The following SLC6A13 variants were observed in gnomAD, a reference collection of about 807,000 sequenced individuals.
SLC6A13 encodes the protein solute carrier family 6 member 13, also known as sodium- and chloride-dependent GABA transporter 2.
SLC6A13 carries 69 observed loss-of-function variants against 72.9 expected under a neutral mutation model. That is an observed-to-expected ratio of 0.95 (90% confidence interval 0.78 to 1.16). The LOEUF is 1.16. Ranked by LOEUF, SLC6A13 falls within the 50% of genes most tolerant of loss-of-function variation. The probability of loss-of-function intolerance (pLI) is 0.00; values close to 1 mark genes in which losing one functional copy is unlikely to be tolerated. For missense variants in SLC6A13, 735 were observed against 760.5 expected (o/e 0.97, Z 0.39); for synonymous variants, 303 against 303.0 (o/e 1.00, Z 0.00).
chr12:234,913 T>C (rs549773517), intron 7 of SLC6A13, among the ~76,000 whole-genome samples, 177 bp downstream of exon 7: 6 of 152,328 alleles, frequency 3.9e-5, no homozygotes, highest in African/African-American at 1.4e-4. Context: ...GGGGTCTGGA[T>C]TGAGACCCCT....
chr12:243,895 T>C, intron 2 of SLC6A13, 82 bp from the exon 3 acceptor site: 1 of 1,358,282 alleles, frequency 7.4e-7, no homozygotes. Flanking sequence ...TACCAACCCA[T>C]ACTGCCAGTC....
At chr12:241,397 A>G (rs141416357) in intron 4 of SLC6A13, among the ~76,000 whole-genome samples, 2 of 152,356 alleles carry the variant, frequency 1.3e-5, no homozygotes, top group East Asian at 3.9e-4. Flanking sequence ...GCTGGAAGAT[A>G]CTTGGACAAG....
chr12:251,511 A>G (rs997807003), intron 2 of SLC6A13, among the ~76,000 whole-genome samples: 1 of 152,226 alleles, frequency 6.6e-6, no homozygotes, highest in African/African-American at 2.4e-5. Context: ...ACCTAAAACT[A>G]TACATCTTCT....
intron 7 of SLC6A13, among the ~76,000 whole-genome samples, chr12:234,137 G>A (rs1205411237): frequency 6.6e-6 from 1 of 152,208 alleles, no homozygotes; most frequent in East Asian, 1.9e-4. Context: ...CCGGCAGGAT[G>A]GTCTCTGCGC....
chr12:237,006 G>T, intron 6 of SLC6A13, 152 bp downstream of exon 6: 1 of 805,120 alleles, frequency 1.2e-6, no homozygotes, highest in Non-Finnish European at 2.0e-6. Flanking sequence ...TCTAGGAGAG[G>T]CGGAGAATCA....
At position 223,069 on chromosome 12, in the gene SLC6A13, C is replaced by T. The variant is rs954842899; in HGVS notation, c.1414+63G>A. Reference sequence around the variant, plus strand: ...CGAGCAGTAGATGTCTGTTTCGTGTCTAAGGACCCCAAGACCCTTAGACAA... The same window carrying T: ...CGAGCAGTAGATGTCTGTTTCGTGTTTAAGGACCCCAAGACCCTTAGACAA... On this transcript the variant is annotated intron_variant, in intron 12 of 14. Coordinates refer to ENST00000343164, the MANE Select transcript of SLC6A13 (RefSeq NM_016615.5). 2.4e-5 allele frequency: 25 copies of T among 1,029,700 alleles called. No homozygotes were observed. In the African/African-American group the frequency reaches 3.7e-4, roughly 15 times the overall value. The allele number at this position is 1,029,700 out of a possible 1,614,324, so 63.8% of individuals were successfully genotyped here.
At chr12:247,007 C>CAAA (rs747908813) in intron 2 of SLC6A13, among the ~76,000 whole-genome samples, 4,803 of 112,692 alleles carry the variant, frequency 0.043, 128 homozygotes, top group Non-Finnish European at 0.064. Flanking sequence ...GACTCCATCT[C>CAAA]AAAAAAAAAA....
At position 239,195 on chromosome 12, in the gene SLC6A13, C is replaced by T. The variant is rs112809471; in HGVS notation, c.479-1185G>A. 7.3e-3 allele frequency among the ~76,000 whole-genome samples: 608 copies of T among 83,428 alleles called. 3 individuals carry two copies. Among genetic ancestry groups the T allele is most frequent in the Middle Eastern group, 0.017 (2 of 120 alleles). The allele number at this position is 83,428 out of a possible 152,430, so 54.7% of individuals were successfully genotyped here. ...GCCCCTTCAGCCACGTGCTCTACCACGTCCACCCTGTTCCCTGCACACATG... is the reference window on the plus strand; with the variant it reads ...GCCCCTTCAGCCACGTGCTCTACCATGTCCACCCTGTTCCCTGCACACATG... On this transcript the variant is annotated intron_variant, in intron 4 of 14. Coordinates refer to ENST00000343164, the MANE Select transcript of SLC6A13 (RefSeq NM_016615.5).
chr12:261,635 T>C (rs1227184596), intron 1 of SLC6A13, among the ~76,000 whole-genome samples: 1 of 152,192 alleles, frequency 6.6e-6, no homozygotes, highest in Non-Finnish European at 1.5e-5. Flanking sequence ...AATTAGAAAG[T>C]CAGTGAACAG....
chr12:221,621 G>T, intron 13 of SLC6A13, 75 bp from the exon 14 acceptor site: 1 of 997,930 alleles, frequency 1.0e-6, no homozygotes, highest in Non-Finnish European at 1.5e-6. Flanking sequence ...CTCCCCAGCA[G>T]CCTGGCAGAA....
At chr12:242,585 G>A (rs750405987) in intron 4 of SLC6A13, 29 bp downstream of exon 4, 3 of 1,601,944 alleles carry the variant, frequency 1.9e-6, no homozygotes, top group Non-Finnish European at 2.6e-6. Flanking sequence ...AACGAGAGGA[G>A]GAAGTGGACC....
At chr12:235,411 G>C (rs1263548628) in intron 6 of SLC6A13, among the ~76,000 whole-genome samples, 187 bp from the exon 7 acceptor site, 2 of 152,202 alleles carry the variant, frequency 1.3e-5, no homozygotes, top group African/African-American at 4.8e-5. Context: ...GGAGGGACTG[G>C]CTGGAGCCAC....
intron 2 of SLC6A13, chr12:259,472 C>A (rs996232484): frequency 1.7e-5 from 22 of 1,269,580 alleles, no homozygotes; most frequent in South Asian, 2.3e-5. Flanking sequence ...TGTCTCTAAT[C>A]CTTACAATGA....
In SLC6A13 at chr12:235,240, T is replaced by C. The variant is rs767734606; in HGVS notation, c.697-16A>G. The C allele has an allele frequency of 1.1e-5, 18 of 1,613,704 alleles. No individual in the cohort carries two copies. Among genetic ancestry groups the C allele is most frequent in the Non-Finnish European group, 5.9e-6 (7 of 1,179,920 alleles). ...AGTACACCACCTGGTCATGGGCAAA[T>C]GAGAGACAAGGAGCTTGTGAGTGAG... On this transcript the variant is annotated splice_polypyrimidine_tract_variant and intron_variant, in intron 6 of 14. Coordinates refer to ENST00000343164, the MANE Select transcript of SLC6A13 (RefSeq NM_016615.5).
chr12:226,060 T>C (rs1021005251), intron 9 of SLC6A13, among the ~76,000 whole-genome samples: 1 of 152,220 alleles, frequency 6.6e-6, no homozygotes, highest in Non-Finnish European at 1.5e-5. Flanking sequence ...AATAGTAATA[T>C]GTATTGCATG....
At position 220,655 on chromosome 12, in the gene SLC6A13, G is replaced by T; in HGVS notation, c.*293C>A. 5.3e-6 allele frequency: 2 copies of T among 380,394 alleles called. No homozygotes were observed. The highest frequency in any genetic ancestry group is 9.8e-6 in the Non-Finnish European group (2 of 204,420). The allele number at this position is 380,394 out of a possible 1,614,324, so 23.6% of individuals were successfully genotyped here. ...AAGAATGTGGATTTAATGGAATGAA[G>T]GATGAGAGGGCCCGAAGCCAGCAAG... On this transcript the variant is annotated 3_prime_UTR_variant, in exon 15 of 15. Coordinates refer to ENST00000343164, the MANE Select transcript of SLC6A13 (RefSeq NM_016615.5).
Position 232,848 on chromosome 12 carries a change from G to C in SLC6A13, c.831+2242C>G, listed in dbSNP as rs767053349. Among the ~76,000 whole-genome samples the C allele has an allele frequency of 1.1e-4, 17 of 152,326 alleles. No homozygotes were observed. In the South Asian group the frequency reaches 1.4e-3, roughly 13 times the overall value. ...GCCACAGCGTCCCAGCAGAGCTCAG[G>C]ATGAAAGAATCAAAACCTGGCCAGA... On this transcript the variant is annotated intron_variant, in intron 7 of 14. Coordinates refer to ENST00000343164, the MANE Select transcript of SLC6A13 (RefSeq NM_016615.5).
In SLC6A13 at chr12:234,964, C is replaced by T. The variant is rs1021596601; in HGVS notation, c.831+126G>A. 85 of 1,052,814 alleles carry T rather than the reference C, an allele frequency of 8.1e-5. No homozygotes were observed. In the Admixed American group the frequency reaches 1.5e-3, roughly 19 times the overall value. The allele number at this position is 1,052,814 out of a possible 1,614,324, so 65.2% of individuals were successfully genotyped here. A position where few individuals can be genotyped will look rare whatever the true frequency, so the allele number is the denominator to read the frequency against. On this transcript the variant is annotated intron_variant, in intron 7 of 14. Transcript: ENST00000343164. ...GATGTCTAGAGAAGGAAGGGTGCACCTCTGCTGCCACTGTGGACACCCTAG... is the reference window on the plus strand; with the variant it reads ...GATGTCTAGAGAAGGAAGGGTGCACTTCTGCTGCCACTGTGGACACCCTAG...
At chr12:222,503 A>T in intron 13 of SLC6A13, 29 bp downstream of exon 13, 1 of 1,464,308 alleles carries the variant, frequency 6.8e-7, no homozygotes, top group African/African-American at 1.4e-5. Context: ...CCCTCCCTTC[A>T]TCTGACTTTA....
Sources: allele counts gnomAD v4.1 joint callset (sites outside exome capture counted in the v4.1 genomes callset), GRCh38; gene constraint gnomAD v4.1.1; transcripts MANE v1.5; gene names NCBI Gene and HGNC (gene_info 2026-07-23, HGNC 2026-07-21).